Variants in NDST3 observed in about 807,000 individuals in gnomAD.
NDST3 encodes the protein N-deacetylase and N-sulfotransferase 3, also known as bifunctional heparan sulfate N-deacetylase/N-sulfotransferase 3.
A neutral mutation model predicts 96.1 loss-of-function variants in NDST3; 58 were observed. The ratio of observed to expected loss-of-function variants is 0.60; its 90% confidence interval spans 0.49 to 0.75. The LOEUF (loss-of-function observed/expected upper bound fraction) is 0.75. Ranked by LOEUF, NDST3 falls within the 30% of genes least tolerant of loss-of-function variation. The pLI is 0.00. For synonymous variants in NDST3, 333 were observed against 359.7 expected, an observed-to-expected ratio of 0.93 and a Z score of 0.84; for missense variants, 788 against 1,034.2, an observed-to-expected ratio of 0.76 and a Z score of 3.27.
intron 2 of NDST3, among the ~76,000 whole-genome samples, chr4:118,064,856 G>T (rs1017868253): frequency 6.6e-6 from 1 of 152,102 alleles, no homozygotes; most frequent in Non-Finnish European, 1.5e-5. Context: ...CTCTAGGGGA[G>T]AACCCATCAC....
Position 118,257,144 on chromosome 4 carries a change from T to C in NDST3, c.*1432T>C, listed in dbSNP as rs945652099. On this transcript the variant is annotated 3_prime_UTR_variant, in exon 14 of 14. Transcript: ENST00000296499. Reference sequence around the variant, plus strand: ...TTCCTGTTAATATTTACTTAATTTTTTTTTTTGAGAGGGGGACAGAGTCTC... The same window carrying C: ...TTCCTGTTAATATTTACTTAATTTTCTTTTTTGAGAGGGGGACAGAGTCTC... 1 of 152,150 alleles carries C rather than the reference T, an allele frequency of 6.6e-6. No homozygotes were observed. Among genetic ancestry groups the C allele is most frequent in the Non-Finnish European group, 1.5e-5 (1 of 68,022 alleles). The allele number at this position is 152,150 out of a possible 1,614,324, so 9.4% of individuals were successfully genotyped here.
Position 118,190,050 on chromosome 4 carries a change from A to G in NDST3, c.1540-34441A>G, listed in dbSNP as rs567127400. Among the ~76,000 whole-genome samples the G allele has an allele frequency of 5.9e-5, 9 of 152,072 alleles. No individual in the cohort carries two copies. The East Asian group carries it at 1.7e-3, about 29-fold the overall frequency. ...AAAAAAAATTTTAAATACACATTTT[A>G]TGTCTTTATTAGTTTCCTCATCAAA... On this transcript the variant is annotated intron_variant, in intron 6 of 13. Transcript: ENST00000296499.
chr4:118,191,503 G>A (rs1257784402), intron 6 of NDST3, among the ~76,000 whole-genome samples: 1 of 152,132 alleles, frequency 6.6e-6, no homozygotes, highest in African/African-American at 2.4e-5. Flanking sequence ...TTAAGGAATA[G>A]AGCAAAGAAA....
At chr4:118,230,665 A>G (rs1360156826) in intron 8 of NDST3, among the ~76,000 whole-genome samples, 1 of 152,028 alleles carries the variant, frequency 6.6e-6, no homozygotes, top group Non-Finnish European at 1.5e-5. Context: ...TGTTTTAACA[A>G]GCCCCCAGAT....
intron 2 of NDST3, among the ~76,000 whole-genome samples, chr4:118,094,574 C>T (rs1729138637): frequency 6.6e-6 from 1 of 151,812 alleles, no homozygotes; most frequent in Admixed American, 6.6e-5. Context: ...GTCATTATCT[C>T]TATTTACCCT....
At chr4:118,069,693 ATTC>A (rs1304711342) in intron 2 of NDST3, among the ~76,000 whole-genome samples, 2 of 151,918 alleles carry the variant, frequency 1.3e-5, no homozygotes, top group African/African-American at 2.4e-5. Flanking sequence ...TCATTTTTTA[ATTC>A]TTATTTGTAT....
intron 1 of NDST3, among the ~76,000 whole-genome samples, chr4:118,041,255 C>G (rs988868948): frequency 3.3e-5 from 5 of 152,094 alleles, no homozygotes; most frequent in African/African-American, 9.7e-5. Flanking sequence ...TCAGTTCTAC[C>G]TCTACTAGCT....
At chr4:118,067,871 T>C (rs1450150413) in intron 2 of NDST3, among the ~76,000 whole-genome samples, 3 of 150,918 alleles carry the variant, frequency 2.0e-5, no homozygotes, top group African/African-American at 4.9e-5. Context: ...TGTATACCTA[T>C]ATAACAAACC....
intron 4 of NDST3, among the ~76,000 whole-genome samples, chr4:118,125,843 C>T (rs9995675): frequency 0.79 from 120,428 of 151,946 alleles, 50,171 homozygotes; most frequent in South Asian, 0.92. Context: ...CATAGTCTAA[C>T]ATTTAATAAT....
intron 2 of NDST3, among the ~76,000 whole-genome samples, chr4:118,058,853 C>G (rs1725670869): frequency 6.6e-6 from 1 of 152,048 alleles, no homozygotes; most frequent in African/African-American, 2.4e-5. Flanking sequence ...CCAGTGAACA[C>G]TAATAACCCA....
intron 6 of NDST3, among the ~76,000 whole-genome samples, chr4:118,218,492 T>C (rs1169056662): frequency 6.6e-6 from 1 of 151,910 alleles, no homozygotes; most frequent in East Asian, 1.9e-4. Context: ...AAATTCAACA[T>C]CCCTTTATGT....
intron 2 of NDST3, among the ~76,000 whole-genome samples, chr4:118,070,840 C>T (rs1415488496): frequency 6.6e-6 from 1 of 151,994 alleles, no homozygotes; most frequent in Non-Finnish European, 1.5e-5. Context: ...ATGTTCCCCT[C>T]CCTGTGTCCA....
intron 2 of NDST3, among the ~76,000 whole-genome samples, chr4:118,092,222 A>T (rs1275147895): frequency 1.5e-5 from 1 of 68,192 alleles, no homozygotes; most frequent in East Asian, 4.6e-4. Flanking sequence ...AGGTATTTTC[A>T]TTGTTTTTTT....
chr4:118,055,953 G>GA (rs1319297033), intron 2 of NDST3, among the ~76,000 whole-genome samples: 2 of 151,090 alleles, frequency 1.3e-5, no homozygotes, highest in Non-Finnish European at 3.0e-5. Flanking sequence ...AGACTGAAAA[G>GA]AAAAAAAACT....
intron 2 of NDST3, among the ~76,000 whole-genome samples, chr4:118,079,507 C>CGA (rs1360557610): frequency 2.0e-5 from 3 of 151,996 alleles, no homozygotes; most frequent in Admixed American, 2.0e-4. Flanking sequence ...CTGGTGTAAT[C>CGA]GAGAGAGAGA....
At chr4:118,162,270 C>CA (rs1560689244) in intron 6 of NDST3, among the ~76,000 whole-genome samples, 1 of 152,002 alleles carries the variant, frequency 6.6e-6, no homozygotes, top group Non-Finnish European at 1.5e-5. Context: ...CATATGGAAC[C>CA]AAAAAAGAGC....
chr4:118,226,636 A>ATG (rs1483976067), intron 7 of NDST3, among the ~76,000 whole-genome samples: 1 of 152,196 alleles, frequency 6.6e-6, no homozygotes, highest in Non-Finnish European at 1.5e-5. Flanking sequence ...TCTTCATGCT[A>ATG]TGAGACTGTT....
rs116325093 is a variant in NDST3, at chr4:118,202,796, C to T, written c.1540-21695C>T. 6.2e-3 allele frequency among the ~76,000 whole-genome samples: 951 copies of T among 152,194 alleles called. 3 individuals are homozygous for T. The highest frequency in any genetic ancestry group is 0.02 in the Middle Eastern group (6 of 294). ...TTTGACTTCCTTTCCTATTTGGATG[C>T]CTTTTATTTCTTTCTCTTGCCTGAT... On this transcript the variant is annotated intron_variant, in intron 6 of 13. Transcript: ENST00000296499.
At chr4:118,211,453 T>G (rs1037596989) in intron 6 of NDST3, among the ~76,000 whole-genome samples, 2 of 150,876 alleles carry the variant, frequency 1.3e-5, no homozygotes, top group African/African-American at 4.9e-5. Flanking sequence ...AAGAATGAAA[T>G]AAAAAGATTT....
Sources: allele counts gnomAD v4.1 joint callset (sites outside exome capture counted in the v4.1 genomes callset), GRCh38; gene constraint gnomAD v4.1.1; transcripts MANE v1.5; gene names NCBI Gene and HGNC (gene_info 2026-07-23, HGNC 2026-07-21).